The following GLRA3 variants were observed in gnomAD, a reference collection of about 807,000 sequenced individuals.
GLRA3 encodes the protein glycine receptor alpha 3.
Under a neutral mutation model 60.4 loss-of-function variants are expected in GLRA3, and 44 were observed. That is an observed-to-expected ratio of 0.73 (90% CI 0.57 to 0.94). GLRA3 has a LOEUF of 0.94. Among genes scored for constraint, GLRA3 ranks in the 40% least tolerant of loss-of-function variants. GLRA3 has a pLI of 0.00. For missense variants in GLRA3, 508 were observed against 564.6 expected (o/e 0.90, Z 1.02); for synonymous variants, 223 against 192.9 (o/e 1.16, Z -1.29).
At chr4:174,741,154 A>G (rs1561089147) in intron 3 of GLRA3, among the ~76,000 whole-genome samples, 2 of 152,176 alleles carry the variant, frequency 1.3e-5, no homozygotes, top group East Asian at 3.8e-4. Context: ...AAAGTGCTAA[A>G]CTGTTTTCTA....
At chr4:174,721,037 GTGTGTT>G (rs1410813128) in intron 4 of GLRA3, among the ~76,000 whole-genome samples, 2 of 140,382 alleles carry the variant, frequency 1.4e-5, no homozygotes, top group African/African-American at 5.0e-5. Flanking sequence ...GTGTGTGTGT[GTGTGTT>G]TTTGAGATGG....
At chr4:174,766,594 A>T (rs1052973044) in intron 3 of GLRA3, among the ~76,000 whole-genome samples, 2 of 152,138 alleles carry the variant, frequency 1.3e-5, no homozygotes, top group Non-Finnish European at 2.9e-5. Context: ...AAATAACATT[A>T]TAAACAAATT....
At chr4:174,704,747 C>T (rs6553809) in intron 5 of GLRA3, among the ~76,000 whole-genome samples, 62,818 of 142,202 alleles carry the variant, frequency 0.44, 19,065 homozygotes, top group East Asian at 0.92. Context: ...TACAATGGAA[C>T]ATTATTCAAA....
chr4:174,711,778 AT>A lies in GLRA3; in HGVS notation c.574+3709del, dbSNP rs1735728481. 1.3e-5 allele frequency among the ~76,000 whole-genome samples: 2 copies of A among 151,766 alleles called. 1 individual carries two copies. Among genetic ancestry groups the A allele is most frequent in the Non-Finnish European group, 2.9e-5 (2 of 67,944 alleles). On this transcript the variant is annotated intron_variant, in intron 5 of 9. Coordinates refer to ENST00000274093, the MANE Select transcript of GLRA3 (RefSeq NM_006529.4). ...GCCACTCAAGTGTTTGTGCCTCATA[AT>A]TTTTTTCTGCCATTAATTTTTTTCT...
intron 1 of GLRA3, among the ~76,000 whole-genome samples, chr4:174,805,908 A>G (rs775730179): frequency 6.6e-6 from 1 of 152,120 alleles, no homozygotes; most frequent in Non-Finnish European, 1.5e-5. Context: ...ACTTTTGTGT[A>G]ATTCCAGAGA....
At chr4:174,761,759 A>T (rs1737950433) in intron 3 of GLRA3, among the ~76,000 whole-genome samples, 1 of 152,154 alleles carries the variant, frequency 6.6e-6, no homozygotes. Flanking sequence ...TAGGATTTAA[A>T]AGGGGTATAA....
chr4:174,666,530 A>G (rs1233511443), intron 7 of GLRA3, among the ~76,000 whole-genome samples: 3 of 152,016 alleles, frequency 2.0e-5, no homozygotes, highest in Non-Finnish European at 4.4e-5. Context: ...TCAGCTTGAT[A>G]AATGATCAAT....
At chr4:174,766,841 TATTA>T (rs1354986258) in intron 3 of GLRA3, 118 bp downstream of exon 3, 2 of 569,352 alleles carry the variant, frequency 3.5e-6, no homozygotes, top group Non-Finnish European at 6.3e-6. Context: ...TTAATTATAC[TATTA>T]ATTTTACATT....
chr4:174,726,932 A>T (rs1736349086), intron 4 of GLRA3, among the ~76,000 whole-genome samples: 1 of 152,106 alleles, frequency 6.6e-6, no homozygotes, highest in Non-Finnish European at 1.5e-5. Flanking sequence ...CCATTAATTT[A>T]CTCATCCATA....
At position 174,639,005 on chromosome 4, in the gene GLRA3, C is replaced by G. The variant is rs968878931; in HGVS notation, c.*4781G>C. The G allele has an allele frequency of 1.3e-5, 2 of 152,076 alleles. No homozygotes were observed. Among genetic ancestry groups the G allele is most frequent in the Admixed American group, 6.6e-5 (1 of 15,264 alleles). The allele number at this position is 152,076 out of a possible 1,614,324, so 9.4% of individuals were successfully genotyped here. ...GTCTCCTCTTTGTTTATGTGTTAAC[C>G]ACAAAAACTACTGAGAAAACCACCT... On this transcript the variant is annotated 3_prime_UTR_variant, in exon 10 of 10. Transcript: ENST00000274093.
chr4:174,651,938 C>T (rs1435492829), intron 9 of GLRA3, among the ~76,000 whole-genome samples: 1 of 152,068 alleles, frequency 6.6e-6, no homozygotes, highest in Non-Finnish European at 1.5e-5. Context: ...GGAACAGACT[C>T]CTGTACAGGG....
intron 5 of GLRA3, among the ~76,000 whole-genome samples, chr4:174,703,755 G>A (rs928396662): frequency 2.6e-5 from 4 of 152,070 alleles, no homozygotes; most frequent in South Asian, 2.1e-4. Context: ...GAAAATGAGC[G>A]GATTTATATA....
At chr4:174,657,587 T>C (rs1733260581) in intron 8 of GLRA3, among the ~76,000 whole-genome samples, 1 of 152,018 alleles carries the variant, frequency 6.6e-6, no homozygotes, top group Admixed American at 6.6e-5. Context: ...GATACAGCAT[T>C]TGTACTGTCG....
chr4:174,666,499 A>G (rs753776589), intron 7 of GLRA3, among the ~76,000 whole-genome samples: 1 of 151,972 alleles, frequency 6.6e-6, no homozygotes, highest in Non-Finnish European at 1.5e-5. Context: ...TTTACTTGCC[A>G]TGTAACAATC....
chr4:174,776,956 T>C (rs1170287433), intron 2 of GLRA3, among the ~76,000 whole-genome samples: 2 of 152,110 alleles, frequency 1.3e-5, no homozygotes, highest in Non-Finnish European at 2.9e-5. Context: ...TGGCACCATG[T>C]AACTGAGGAC....
At position 174,728,532 on chromosome 4, in the gene GLRA3, G is replaced by A. The variant is rs1736408023; in HGVS notation, c.434C>T (p.Thr145Ile). The stretch of plus-strand genomic sequence containing the variant: ...AATTCTTAGCAATTTGTTGTCTGTA[G>A]TGACTTCATGAAAGTTGGCACCCTT... The part of the protein sequence containing the change: ...NEKGANFHEV[T>I]TDNKLLRIFK... The change falls in exon 4 of 10, where the codon ACT becomes ATT. Residue 145 changes from threonine (T) to isoleucine (I), a missense_variant. Coordinates refer to ENST00000274093, the MANE Select transcript of GLRA3 (RefSeq NM_006529.4). 1.2e-6 allele frequency: 2 copies of A among 1,613,178 alleles called. No homozygotes were observed. The highest frequency in any genetic ancestry group is 1.1e-5 in the South Asian group (1 of 91,056).
chr4:174,760,228 T>A (rs1737884564), intron 3 of GLRA3, among the ~76,000 whole-genome samples: 1 of 152,296 alleles, frequency 6.6e-6, no homozygotes, highest in African/African-American at 2.4e-5. Flanking sequence ...AACCTCACTG[T>A]TTATCAAGGA....
At chr4:174,657,350 G>A (rs140757655) in intron 8 of GLRA3, among the ~76,000 whole-genome samples, 1 of 152,090 alleles carries the variant, frequency 6.6e-6, no homozygotes, top group Non-Finnish European at 1.5e-5. Flanking sequence ...TTTGGACACC[G>A]GATGCACAAT....
intron 7 of GLRA3, among the ~76,000 whole-genome samples, chr4:174,672,676 C>A (rs1733954949): frequency 6.6e-6 from 1 of 152,120 alleles, no homozygotes; most frequent in Non-Finnish European, 1.5e-5. Flanking sequence ...AATCTCAGGG[C>A]AAGCGCAGAA....
Sources: gnomAD v4.1 joint callset for allele counts (sites outside exome capture counted in the v4.1 genomes callset) on GRCh38, gnomAD v4.1.1 for gene constraint, MANE v1.5 for transcripts, NCBI Gene and HGNC (gene_info 2026-07-23, HGNC 2026-07-21) for gene names.